RARB: variants seen among roughly 807,000 people sequenced by gnomAD.
The protein encoded by RARB is retinoic acid receptor beta.
A neutral mutation model predicts 51.9 loss-of-function variants in RARB; 17 were observed. That is an observed-to-expected ratio of 0.33 (90% CI 0.22 to 0.49). The LOEUF (loss-of-function observed/expected upper bound fraction) is 0.49. RARB is among the 20% of genes least tolerant of loss of function. The probability of loss-of-function intolerance (pLI) is 0.99; values close to 1 mark genes in which losing one functional copy is unlikely to be tolerated. For synonymous variants in RARB, 215 were observed against 195.4 expected (o/e 1.10, Z -0.84); for missense variants, 369 against 550.8 (o/e 0.67, Z 3.30).
intron 5 of RARB, among the ~76,000 whole-genome samples, chr3:25,296,394 A>T (rs1703914843): frequency 6.6e-6 from 1 of 152,158 alleles, no homozygotes; most frequent in African/African-American, 2.4e-5. Flanking sequence ...AAGTAACTTC[A>T]CTATTTCCTA....
At chr3:24,859,065 A>G (rs1323236006) in intron 2 of RARB, among the ~76,000 whole-genome samples, 2 of 151,710 alleles carry the variant, frequency 1.3e-5, no homozygotes, top group Non-Finnish European at 2.9e-5. Context: ...AAAGAAAAAA[A>G]AAAAGTTCCT....
intron 3 of RARB, among the ~76,000 whole-genome samples, chr3:25,120,741 A>C (rs749800102): frequency 2.6e-5 from 4 of 152,184 alleles, no homozygotes; most frequent in African/African-American, 7.2e-5. Context: ...AAGATGAATG[A>C]CCTACGGAGA....
intron 5 of RARB, among the ~76,000 whole-genome samples, chr3:25,355,029 G>T (rs1231472905): frequency 6.6e-6 from 1 of 152,078 alleles, no homozygotes; most frequent in Non-Finnish European, 1.5e-5. Context: ...GCAAGTTATA[G>T]CACCTTGCTG....
chr3:25,117,190 A>G (rs1301791820), intron 3 of RARB, among the ~76,000 whole-genome samples: 1 of 152,208 alleles, frequency 6.6e-6, no homozygotes, highest in Non-Finnish European at 1.5e-5. Context: ...ATGGCAGAGA[A>G]CAAACTGTTC....
intron 5 of RARB, among the ~76,000 whole-genome samples, chr3:25,193,406 G>C (rs1041670582): frequency 1.3e-5 from 2 of 151,942 alleles, no homozygotes; most frequent in African/African-American, 4.8e-5. Flanking sequence ...AAAAAGATAG[G>C]AACATTAAAA....
intron 3 of RARB, among the ~76,000 whole-genome samples, chr3:25,107,767 A>G (rs1230695498): frequency 6.6e-6 from 1 of 152,226 alleles, no homozygotes; most frequent in African/African-American, 2.4e-5. Flanking sequence ...ATTGTGACTA[A>G]CTTCTGCAGT....
In RARB at chr3:25,326,335, G is replaced by C. The variant is rs950641489; in HGVS notation, c.179-134858G>C. Among the ~76,000 whole-genome samples, 9 of 152,144 alleles carry C rather than the reference G, an allele frequency of 5.9e-5. No homozygotes were observed. In the East Asian group the frequency reaches 9.7e-4, roughly 16 times the overall value. ...GAGGGCTTGCTGCATCTCACTGATAGTTGGACAAAGGTTTATATTTCCTGA... is the reference window on the plus strand; with the variant it reads ...GAGGGCTTGCTGCATCTCACTGATACTTGGACAAAGGTTTATATTTCCTGA... On this transcript the variant is annotated intron_variant, in intron 5 of 11. Transcript: ENST00000383772.
intron 3 of RARB, among the ~76,000 whole-genome samples, chr3:25,553,671 G>T (rs188817534): frequency 1.3e-5 from 2 of 152,128 alleles, no homozygotes; most frequent in Admixed American, 6.5e-5. Context: ...GGCATTTGGC[G>T]TGCATCTGTT....
intron 2 of RARB, among the ~76,000 whole-genome samples, chr3:24,916,652 T>C (rs980989087): frequency 2.6e-5 from 4 of 151,876 alleles, no homozygotes; most frequent in African/African-American, 9.7e-5. Context: ...TCTGTGTTGC[T>C]CATGTGAGTA....
intron 5 of RARB, among the ~76,000 whole-genome samples, chr3:25,370,900 T>G (rs551351717): frequency 1.2e-4 from 18 of 152,264 alleles, no homozygotes; most frequent in Non-Finnish European, 2.2e-4. Context: ...CTTTCCTCTT[T>G]GAGCTTTTGG....
intron 4 of RARB, among the ~76,000 whole-genome samples, chr3:25,163,504 A>AAAAAATATATAT (rs1303712411): frequency 7.6e-6 from 1 of 131,096 alleles, no homozygotes; most frequent in African/African-American, 3.2e-5. Context: ...CCTATCTCAA[A>AAAAAATATATAT]ATATATATAT....
intron 2 of RARB, among the ~76,000 whole-genome samples, chr3:24,961,166 A>G (rs1435624957): frequency 1.3e-5 from 2 of 152,212 alleles, no homozygotes; most frequent in Non-Finnish European, 2.9e-5. Context: ...AGGAATCTAG[A>G]ATTCGATTGC....
intron 2 of RARB, among the ~76,000 whole-genome samples, chr3:24,995,853 T>C: frequency 6.6e-6 from 1 of 150,690 alleles, no homozygotes; most frequent in South Asian, 2.1e-4. Flanking sequence ...TGTTGTTGGA[T>C]TTGGTTTGCT....
chr3:24,851,637 T>C (rs1702561680), intron 1 of RARB, among the ~76,000 whole-genome samples: 1 of 152,204 alleles, frequency 6.6e-6, no homozygotes, highest in East Asian at 1.9e-4. Flanking sequence ...CAAACATGAA[T>C]AGCAGTTGTC....
At chr3:24,999,399 C>T (rs1697110652) in intron 2 of RARB, among the ~76,000 whole-genome samples, 1 of 152,092 alleles carries the variant, frequency 6.6e-6, no homozygotes, top group African/African-American at 2.4e-5. Flanking sequence ...GGGAGGATGC[C>T]TCAAAAGACA....
intron 2 of RARB, among the ~76,000 whole-genome samples, chr3:24,892,777 CAAGA>C (rs1222001238): frequency 2.0e-5 from 3 of 152,184 alleles, no homozygotes; most frequent in Non-Finnish European, 2.9e-5. Context: ...TATACTATTA[CAAGA>C]AATGCGGGAG....
At chr3:25,323,038 G>C (rs372295252) in intron 5 of RARB, among the ~76,000 whole-genome samples, 3 of 152,124 alleles carry the variant, frequency 2.0e-5, no homozygotes, top group East Asian at 3.9e-4. Flanking sequence ...ATCCAAAAGG[G>C]CCTCACCTAC....
intron 5 of RARB, among the ~76,000 whole-genome samples, chr3:25,186,518 TA>T (rs977818505): frequency 6.6e-6 from 1 of 152,020 alleles, no homozygotes; most frequent in African/African-American, 2.4e-5. Context: ...TCATAGATTA[TA>T]AAAAAAGGAT....
At chr3:25,472,574 G>A in intron 2 of RARB, among the ~76,000 whole-genome samples, 1 of 152,172 alleles carries the variant, frequency 6.6e-6, no homozygotes, top group East Asian at 1.9e-4. Flanking sequence ...CCATTTCACA[G>A]ATGAGGAAAC....
Sources: gnomAD v4.1 joint callset for allele counts (sites outside exome capture counted in the v4.1 genomes callset) on GRCh38, gnomAD v4.1.1 for gene constraint, MANE v1.5 for transcripts, NCBI Gene and HGNC (gene_info 2026-07-23, HGNC 2026-07-21) for gene names.